The following SUGCT variants were observed in gnomAD, a reference collection of about 807,000 sequenced individuals.
SUGCT encodes the protein succinyl-CoA:glutarate-CoA transferase.
SUGCT carries 41 observed loss-of-function variants against 55.0 expected under a neutral mutation model. The observed-to-expected ratio is 0.74, with a 90% confidence interval of 0.58 to 0.97. The LOEUF is 0.97. Ranked by LOEUF, SUGCT falls within the 50% of genes least tolerant of loss-of-function variation. The probability of loss-of-function intolerance (pLI) is 0.00; values close to 1 mark genes in which losing one functional copy is unlikely to be tolerated. For missense variants in SUGCT, 568 were observed against 547.8 expected (o/e 1.04, Z -0.37); for synonymous variants, 187 against 200.4 (o/e 0.93, Z 0.56).
intron 6 of SUGCT, among the ~76,000 whole-genome samples, chr7:40,203,540 C>T (rs559527787): frequency 2.8e-4 from 42 of 152,100 alleles, no homozygotes; most frequent in African/African-American, 7.2e-4. Context: ...TTTGGGAGGC[C>T]GAAGTGGGTA....
intron 12 of SUGCT, among the ~76,000 whole-genome samples, chr7:40,683,580 T>C (rs1320565111): frequency 6.6e-6 from 1 of 152,224 alleles, no homozygotes; most frequent in East Asian, 1.9e-4. Flanking sequence ...TTCTTGGCTG[T>C]GCTAAAAACT....
chr7:40,178,665 C>G (rs1785039511), intron 1 of SUGCT, among the ~76,000 whole-genome samples: 1 of 151,882 alleles, frequency 6.6e-6, no homozygotes, highest in Non-Finnish European at 1.5e-5. Context: ...TGTTTAAGAC[C>G]TTTTGTCAGA....
intron 6 of SUGCT, among the ~76,000 whole-genome samples, chr7:40,204,975 C>T (rs1786875526): frequency 6.6e-6 from 1 of 150,778 alleles, no homozygotes; most frequent in African/African-American, 2.4e-5. Context: ...AGAGAAGGGC[C>T]CGGTGCAATG....
chr7:40,703,448 A>G (rs1450077586), intron 12 of SUGCT, among the ~76,000 whole-genome samples: 3 of 151,962 alleles, frequency 2.0e-5, no homozygotes. Flanking sequence ...TGTGAAGGTC[A>G]CCTCCTCTAA....
At chr7:40,636,706 G>A (rs137878410) in intron 12 of SUGCT, among the ~76,000 whole-genome samples, 2 of 152,252 alleles carry the variant, frequency 1.3e-5, no homozygotes, top group East Asian at 1.9e-4. Context: ...GAAGAGTGGT[G>A]ATGGTTATAT....
chr7:40,602,582 G>T (rs1342285083), intron 12 of SUGCT, among the ~76,000 whole-genome samples: 1 of 152,150 alleles, frequency 6.6e-6, no homozygotes, highest in Admixed American at 6.5e-5. Context: ...GACTCAGTTT[G>T]TCAGTTTGCC....
intron 8 of SUGCT, among the ~76,000 whole-genome samples, chr7:40,275,551 AT>A (rs1792410686): frequency 6.6e-6 from 1 of 152,168 alleles, no homozygotes. Flanking sequence ...ATCTGTAGTA[AT>A]TGTAATATGA....
the SUGCT span, among the ~76,000 whole-genome samples, chr7:40,901,970 G>A: frequency 1.3e-5 from 2 of 152,156 alleles, no homozygotes; most frequent in African/African-American, 2.4e-5. Flanking sequence ...GAATGGAGAG[G>A]CAAAGAGAGC....
At chr7:40,165,703 AT>A (rs984251358) in intron 1 of SUGCT, among the ~76,000 whole-genome samples, 2 of 149,100 alleles carry the variant, frequency 1.3e-5, no homozygotes, top group African/African-American at 4.9e-5. Flanking sequence ...TTAAGAAGTG[AT>A]TTTTTTCCTG....
chr7:40,890,689 C>G, the SUGCT span, among the ~76,000 whole-genome samples: 1 of 152,164 alleles, frequency 6.6e-6, no homozygotes, highest in African/African-American at 2.4e-5. Context: ...AAAAGGCTTT[C>G]CCTGGTGAAG....
chr7:40,578,622 C>T (rs899558023), intron 12 of SUGCT, among the ~76,000 whole-genome samples: 1 of 151,962 alleles, frequency 6.6e-6, no homozygotes, highest in African/African-American at 2.4e-5. Context: ...AATACCAATG[C>T]TCAGGCCCCA....
intron 12 of SUGCT, among the ~76,000 whole-genome samples, chr7:40,668,427 G>A (rs1438044694): frequency 2.0e-5 from 3 of 151,832 alleles, no homozygotes; most frequent in African/African-American, 7.3e-5. Context: ...TTTTTGTCTT[G>A]GGGATCTTTT....
chr7:40,563,755 AG>A (rs961139588), intron 12 of SUGCT, among the ~76,000 whole-genome samples: 7 of 151,524 alleles, frequency 4.6e-5, no homozygotes, highest in African/African-American at 9.7e-5. Flanking sequence ...TAATAATAAA[AG>A]GGGGGGAAAG....
At chr7:40,806,204 G>A (rs916904352) in intron 13 of SUGCT, among the ~76,000 whole-genome samples, 5 of 152,142 alleles carry the variant, frequency 3.3e-5, no homozygotes, top group African/African-American at 9.7e-5. Context: ...ACTCTGTAAC[G>A]TTGGTGGAGT....
chr7:40,336,445 A>G (rs1461629356), intron 9 of SUGCT, among the ~76,000 whole-genome samples: 1 of 152,114 alleles, frequency 6.6e-6, no homozygotes, highest in African/African-American at 2.4e-5. Flanking sequence ...TGGTCTATTC[A>G]GGGATTCAAC....
chr7:40,655,624 G>A (rs1250733704), intron 12 of SUGCT, among the ~76,000 whole-genome samples: 1 of 152,194 alleles, frequency 6.6e-6, no homozygotes, highest in Non-Finnish European at 1.5e-5. Context: ...GACAGTGATT[G>A]TCCTGCTTAC....
rs1421355253 is a variant in SUGCT, at chr7:40,494,278, C to T, written c.987-2006C>T. ...TGTTTTAACACTCCATTTATGAAAA[C>T]TTAAGTAATTGACACCCTATTCGAA... On this transcript the variant is annotated intron_variant, in intron 11 of 13. Transcript: ENST00000335693. Among the ~76,000 whole-genome samples the T allele has an allele frequency of 3.3e-5, 5 of 152,098 alleles. No individual in the cohort carries two copies. The South Asian group carries it at 8.3e-4, about 25-fold the overall frequency.
At chr7:41,000,345 G>T in the SUGCT span, among the ~76,000 whole-genome samples, 3 of 152,040 alleles carry the variant, frequency 2.0e-5, no homozygotes, top group Admixed American at 6.6e-5. Context: ...TTTGCAATCT[G>T]GTTGATACGT....
At chr7:40,151,600 G>A in intron 1 of SUGCT, 1 of 228,056 alleles carries the variant, frequency 4.4e-6, no homozygotes, top group Non-Finnish European at 9.9e-6. Flanking sequence ...TAGGGATCTT[G>A]GAAGCACTGC....
Sources: allele counts gnomAD v4.1 joint callset (sites outside exome capture counted in the v4.1 genomes callset), GRCh38; gene constraint gnomAD v4.1.1; transcripts MANE v1.5; gene names NCBI Gene and HGNC (gene_info 2026-07-23, HGNC 2026-07-21).